The following QSOX1 variants were observed in gnomAD, a reference collection of about 807,000 sequenced individuals.
QSOX1 encodes the protein quiescin sulfhydryl oxidase 1, also known as sulfhydryl oxidase 1.
A neutral mutation model predicts 76.1 loss-of-function variants in QSOX1; 40 were observed. That is an observed-to-expected ratio of 0.53 (90% CI 0.41 to 0.68). The LOEUF (loss-of-function observed/expected upper bound fraction) is 0.68, where lower values mean the gene tolerates loss of function less well. QSOX1 is among the 30% of genes least tolerant of loss of function. The pLI is 0.00. For synonymous variants in QSOX1, 392 were observed against 413.1 expected (o/e 0.95, Z 0.62); for missense variants, 931 against 974.3 (o/e 0.96, Z 0.59).
intron 1 of QSOX1, among the ~76,000 whole-genome samples, chr1:180,156,032 A>T (rs1442950935): frequency 6.6e-6 from 1 of 152,236 alleles, no homozygotes; most frequent in East Asian, 1.9e-4. Context: ...CTACATGTAT[A>T]AAGATTTGAA....
intron 11 of QSOX1, among the ~76,000 whole-genome samples, chr1:180,195,553 G>T (rs1168524363): frequency 6.6e-6 from 1 of 152,180 alleles, no homozygotes; most frequent in Non-Finnish European, 1.5e-5. Context: ...GGGGCTGGTG[G>T]CCGTGGCTCA....
At chr1:180,187,837 G>T (rs1663212080) in intron 8 of QSOX1, among the ~76,000 whole-genome samples, 1 of 152,214 alleles carries the variant, frequency 6.6e-6, no homozygotes, top group South Asian at 2.1e-4. Context: ...TCGGGGGCAT[G>T]GGCCTGGAGA....
intron 8 of QSOX1, among the ~76,000 whole-genome samples, chr1:180,187,150 C>T (rs892644217): frequency 4.6e-5 from 7 of 152,214 alleles, no homozygotes; most frequent in African/African-American, 7.2e-5. Context: ...CCTGATCCCT[C>T]CTTCCCACCT....
chr1:180,195,378 T>C (rs1663446032), intron 11 of QSOX1, among the ~76,000 whole-genome samples: 1 of 152,172 alleles, frequency 6.6e-6, no homozygotes, highest in Non-Finnish European at 1.5e-5. Context: ...CCCTTGACTC[T>C]GCTTGTTGTC....
At chr1:180,187,492 C>A (rs1316720265) in intron 8 of QSOX1, among the ~76,000 whole-genome samples, 8 of 152,220 alleles carry the variant, frequency 5.3e-5, no homozygotes, top group African/African-American at 1.4e-4. Context: ...ACCCCACCAC[C>A]CTAGTCCAGT....
intron 1 of QSOX1, among the ~76,000 whole-genome samples, chr1:180,156,809 A>G (rs1662385232): frequency 6.6e-6 from 1 of 152,188 alleles, no homozygotes; most frequent in Non-Finnish European, 1.5e-5. Context: ...GAACTGGAAC[A>G]CCTAAGATAA....
intron 5 of QSOX1, among the ~76,000 whole-genome samples, chr1:180,181,306 C>T (rs565945988): frequency 8.1e-4 from 124 of 152,302 alleles, no homozygotes; most frequent in Middle Eastern, 3.4e-3. Flanking sequence ...AACAGAAGTC[C>T]GTGCCTGCCA....
chr1:180,195,302 C>A (rs2149243674), intron 11 of QSOX1, among the ~76,000 whole-genome samples: 1 of 152,200 alleles, frequency 6.6e-6, no homozygotes, highest in South Asian at 2.1e-4. Flanking sequence ...AGAAGAAACT[C>A]AAAATTACCA....
chr1:180,177,189 GC>G (rs1662919687), intron 4 of QSOX1, among the ~76,000 whole-genome samples: 1 of 151,278 alleles, frequency 6.6e-6, no homozygotes. Context: ...CACATTTTCA[GC>G]CCTGGGGTAT....
rs1489825240 is a variant in QSOX1 at position 180,175,979 on chromosome 1, T to A, written c.461T>A (p.Leu154Gln). 6.2e-7 allele frequency: 1 copy of A among 1,602,284 alleles called. No homozygotes were observed. The highest frequency in any genetic ancestry group is 8.5e-7 in the Non-Finnish European group (1 of 1,175,282). ...QTLRERLIDA[L>Q]ESHHDTWPPA... The stretch of plus-strand genomic sequence containing the variant: ...CTGCGGGAGAGGCTCATTGACGCCC[T>A]GGAGTCCCATCATGACACGTGGCCC... The change falls in exon 4 of 12, where the codon CTG (leucine) becomes CAG (glutamine). Residue 154 changes from leucine to glutamine, a missense_variant. Physicochemically the swap from Leu to Gln is moderately radical, Grantham distance 113. Coordinates refer to ENST00000367602, the MANE Select transcript of QSOX1 (RefSeq NM_002826.5).
At chr1:180,174,395 G>C (rs1662830937) in intron 2 of QSOX1, among the ~76,000 whole-genome samples, 1 of 152,238 alleles carries the variant, frequency 6.6e-6, no homozygotes, top group Non-Finnish European at 1.5e-5. Flanking sequence ...AAATCAGCTA[G>C]TCTGTAGCAA....
chr1:180,169,665 G>A (rs6703180), intron 2 of QSOX1, among the ~76,000 whole-genome samples: 85,839 of 152,214 alleles, frequency 0.56, 27,474 homozygotes, highest in East Asian at 0.76. Context: ...TGGGCCACCC[G>A]TGGGGCTGCT....
chr1:180,195,481 T>G (rs1487879891), intron 11 of QSOX1, among the ~76,000 whole-genome samples: 1 of 152,176 alleles, frequency 6.6e-6, no homozygotes, highest in Non-Finnish European at 1.5e-5. Context: ...TATTAAAACC[T>G]TTAGGAGAAG....
In QSOX1 at chr1:180,186,191, G is replaced by A; in HGVS notation, c.1017+9G>A. The stretch of plus-strand genomic sequence containing the variant: ...TGGCAGTGCTGGCCAAGGTGAGCAG[G>A]GCCATGGCTTCCCTTGTCTGTGCAA... On this transcript the variant is annotated intron_variant, in intron 8 of 11. Coordinates refer to ENST00000367602, the MANE Select transcript of QSOX1 (RefSeq NM_002826.5). 1 of 1,609,088 alleles carries A rather than the reference G, an allele frequency of 6.2e-7. No individual in the cohort carries two copies. Among genetic ancestry groups the A allele is most frequent in the South Asian group, 1.1e-5 (1 of 90,434 alleles).
rs774043721 is a variant in QSOX1, at chr1:180,184,039, A to G, written c.876A>G (p.Lys292=). Residue 292 remains lysine, a synonymous_variant, in exon 7 of 12, where the codon AAA becomes AAG. Transcript: ENST00000367602. The part of the protein sequence containing the change: ...TANKIAPTVW[K]LADRSKIYMA... ...ACAAGATAGCTCCCACTGTTTGGAA[A>G]TTGGCAGATCGGTAAGGCTACGCCT... The G allele has an allele frequency of 7.4e-6, 12 of 1,614,058 alleles. No homozygotes were observed. In the East Asian group the frequency reaches 2.5e-4, roughly 33 times the overall value.
chr1:180,162,661 C>T (rs1164850808), intron 1 of QSOX1, among the ~76,000 whole-genome samples: 1 of 151,988 alleles, frequency 6.6e-6, no homozygotes, highest in Non-Finnish European at 1.5e-5. Context: ...ATTACTTGAG[C>T]CCAGGAGATT....
intron 1 of QSOX1, among the ~76,000 whole-genome samples, chr1:180,158,816 G>A (rs1470135053): frequency 6.6e-6 from 1 of 152,174 alleles, no homozygotes; most frequent in Non-Finnish European, 1.5e-5. Flanking sequence ...CTCGGAGGCT[G>A]CATGTTTCTT....
At chr1:180,186,990 T>A (rs1663191660) in intron 8 of QSOX1, among the ~76,000 whole-genome samples, 1 of 152,232 alleles carries the variant, frequency 6.6e-6, no homozygotes, top group South Asian at 2.1e-4. Context: ...CTGAGTCAGA[T>A]GTGGCTCTGG....
At chr1:180,171,588 G>C (rs12075856) in intron 2 of QSOX1, among the ~76,000 whole-genome samples, 4,298 of 152,316 alleles carry the variant, frequency 0.028, 112 homozygotes, top group East Asian at 0.064. Context: ...GAAATGATAG[G>C]TTTGTTCATT....
Sources: allele counts gnomAD v4.1 joint callset (sites outside exome capture counted in the v4.1 genomes callset), GRCh38; gene constraint gnomAD v4.1.1; transcripts MANE v1.5; gene names NCBI Gene and HGNC (gene_info 2026-07-23, HGNC 2026-07-21).